The following GALNT2 variants were observed in gnomAD, a reference collection of about 807,000 sequenced individuals.
GALNT2 encodes UDP-GalNAc:polypeptide N-acetylgalactosaminyltransferase 2.
A neutral mutation model predicts 81.4 loss-of-function variants in GALNT2; 31 were observed. The ratio of observed to expected loss-of-function variants is 0.38; its 90% CI spans 0.29 to 0.51. The LOEUF is 0.51. GALNT2 is among the 20% of genes least tolerant of loss of function. The probability of loss-of-function intolerance (pLI) is 0.87; values close to 1 mark genes in which losing one functional copy is unlikely to be tolerated. For synonymous variants in GALNT2, 303 were observed against 287.4 expected, an observed-to-expected ratio of 1.05 and a Z score of -0.55; for missense variants, 629 against 765.7, an observed-to-expected ratio of 0.82 and a Z score of 2.11.
At chr1:230,148,127 C>T (rs544833719) in intron 1 of GALNT2, among the ~76,000 whole-genome samples, 79 of 152,324 alleles carry the variant, frequency 5.2e-4, no homozygotes, top group Middle Eastern at 3.4e-3. Flanking sequence ...TTCCCCATCC[C>T]GCTTTAAAGC....
At chr1:230,154,171 A>G (rs970975967) in intron 1 of GALNT2, among the ~76,000 whole-genome samples, 4 of 152,224 alleles carry the variant, frequency 2.6e-5, no homozygotes, top group Non-Finnish European at 5.9e-5. Flanking sequence ...TACATTTTCA[A>G]TATTTCACCA....
At chr1:230,173,970 A>G (rs1662877297) in intron 1 of GALNT2, among the ~76,000 whole-genome samples, 1 of 152,148 alleles carries the variant, frequency 6.6e-6, no homozygotes, top group East Asian at 1.9e-4. Flanking sequence ...ACTTGGTACC[A>G]TAAGGATACA....
rs1339004604 is a variant in GALNT2, at chr1:230,281,781, C to T, written c.*2323C>T. On this transcript the variant is annotated 3_prime_UTR_variant, in exon 16 of 16. Transcript: ENST00000366672. ...GCTATGTTTACATGACACAGTGTGC[C>T]AAAGTGACTTACTGCGGTTGCGTTA... The T allele has an allele frequency of 6.6e-6, 1 of 152,590 alleles. No individual in the cohort carries two copies. Among genetic ancestry groups the T allele is most frequent in the East Asian group, 1.9e-4 (1 of 5,168 alleles). The allele number at this position is 152,590 out of a possible 1,614,324, so 9.5% of individuals were successfully genotyped here. A position where few individuals can be genotyped will look rare whatever the true frequency, so the allele number is the denominator to read the frequency against.
intron 1 of GALNT2, among the ~76,000 whole-genome samples, chr1:230,153,512 C>T (rs988286353): frequency 1.3e-4 from 20 of 152,122 alleles, no homozygotes; most frequent in African/African-American, 4.3e-4. Context: ...ATAATGCTTT[C>T]TGTGTAGAAG....
At chr1:230,177,378 C>T (rs551769479) in intron 1 of GALNT2, among the ~76,000 whole-genome samples, 1 of 152,340 alleles carries the variant, frequency 6.6e-6, no homozygotes, top group African/African-American at 2.4e-5. Context: ...GGCCAGCTGA[C>T]AATGCTTGGC....
At position 230,271,968 on chromosome 1, in the gene GALNT2, A is replaced by G. The variant is rs896030094; in HGVS notation, c.1441-2477A>G. Among the ~76,000 whole-genome samples the G allele has an allele frequency of 8.5e-5, 13 of 152,312 alleles. No homozygotes were observed. Among genetic ancestry groups the G allele is most frequent in the Admixed American group, 7.8e-4 (12 of 15,300 alleles). On this transcript the variant is annotated intron_variant, in intron 14 of 15. Transcript: ENST00000366672. The surrounding 1 kb of genome is among the most constrained non-coding windows in gnomAD (Gnocchi z 4.2). ...GGTGACCAGCCCCGTCCAGGAGCCC[A>G]TTAGAGTTGCTTCATTAGAACAAGA...
At chr1:230,210,464 A>G (rs551602319) in intron 3 of GALNT2, among the ~76,000 whole-genome samples, 2 of 152,340 alleles carry the variant, frequency 1.3e-5, no homozygotes, top group East Asian at 3.9e-4. Flanking sequence ...CCACCACTAC[A>G]TTTAAAATGT....
intron 3 of GALNT2, among the ~76,000 whole-genome samples, chr1:230,213,139 T>G (rs1664285319): frequency 1.3e-5 from 2 of 152,258 alleles, no homozygotes; most frequent in Non-Finnish European, 2.9e-5. Context: ...ATTTGCTTTC[T>G]TTACTCTTTA....
intron 3 of GALNT2, among the ~76,000 whole-genome samples, chr1:230,203,803 A>T (rs1663979209): frequency 6.6e-6 from 1 of 152,150 alleles, no homozygotes; most frequent in Non-Finnish European, 1.5e-5. Flanking sequence ...ACCCTGTACT[A>T]AAGGAAGGGC....
intron 3 of GALNT2, among the ~76,000 whole-genome samples, chr1:230,228,472 G>A (rs1664779425): frequency 6.6e-6 from 1 of 151,972 alleles, no homozygotes; most frequent in East Asian, 1.9e-4. Flanking sequence ...ACATAAATAA[G>A]TGTTTGGCGT....
chr1:230,233,825 T>A (rs572886799), intron 3 of GALNT2, among the ~76,000 whole-genome samples: 3 of 152,202 alleles, frequency 2.0e-5, no homozygotes, highest in South Asian at 2.1e-4. Flanking sequence ...GGCCAGATGG[T>A]TGAAGCTTAA....
intron 1 of GALNT2, among the ~76,000 whole-genome samples, chr1:230,108,886 T>C (rs6701288): frequency 6.6e-6 from 1 of 152,210 alleles, no homozygotes. Context: ...AATTCCAGAT[T>C]TGAAGTACAG....
intron 2 of GALNT2, among the ~76,000 whole-genome samples, chr1:230,192,160 G>C (rs562366499): frequency 1.3e-5 from 2 of 152,224 alleles, no homozygotes. Flanking sequence ...TTGGTGTTTC[G>C]CTTCAATTTT....
At chr1:230,209,974 C>T (rs975175212) in intron 3 of GALNT2, among the ~76,000 whole-genome samples, 2 of 152,194 alleles carry the variant, frequency 1.3e-5, no homozygotes, top group Non-Finnish European at 2.9e-5. Flanking sequence ...GTAACACTTG[C>T]CTTCATTTTC....
intron 1 of GALNT2, among the ~76,000 whole-genome samples, chr1:230,088,642 A>G (rs1321700517): frequency 6.7e-6 from 1 of 150,124 alleles, no homozygotes; most frequent in Non-Finnish European, 1.5e-5. Context: ...GGTTCACCCC[A>G]TTCTCCTGCC....
chr1:230,186,278 C>G (rs892382625), intron 2 of GALNT2, among the ~76,000 whole-genome samples: 3 of 152,138 alleles, frequency 2.0e-5, no homozygotes, highest in Non-Finnish European at 4.4e-5. Flanking sequence ...CCTCCCCATG[C>G]GTTGTCCCAC....
chr1:230,125,662 G>A (rs1437905746), intron 1 of GALNT2, among the ~76,000 whole-genome samples: 1 of 151,188 alleles, frequency 6.6e-6, no homozygotes, highest in Non-Finnish European at 1.5e-5. Context: ...TGCTTAGAGG[G>A]GTTTTGGCAG....
In GALNT2 at chr1:230,223,932, C is replaced by G. The variant is rs111331074; in HGVS notation, c.375-12082C>G. Reference sequence around the variant, plus strand: ...GGTCCCACAGACTCCATTATCTGGCCCAGCTTTTGTGGGGAGAACTGCAAG... The same window carrying G: ...GGTCCCACAGACTCCATTATCTGGCGCAGCTTTTGTGGGGAGAACTGCAAG... On this transcript the variant is annotated intron_variant, in intron 3 of 15. Transcript: ENST00000366672. 4.4e-3 allele frequency among the ~76,000 whole-genome samples: 670 copies of G among 152,286 alleles called. 3 individuals are homozygous for G. The highest frequency in any genetic ancestry group is 7.0e-3 in the Non-Finnish European group (473 of 68,032).
intron 1 of GALNT2, among the ~76,000 whole-genome samples, chr1:230,094,349 G>GC (rs77961777): frequency 1 from 151,999 of 152,006 alleles, 75,996 homozygotes; most frequent in Middle Eastern, 1. Context: ...TTTCGGCCGG[G>GC]GTGGCAGCTC....
Sources: gnomAD v4.1 joint callset for allele counts (sites outside exome capture counted in the v4.1 genomes callset) on GRCh38, gnomAD v4.1.1 for gene constraint, Gnocchi (gnomAD v3.1) non-coding constraint, MANE v1.5 for transcripts, NCBI Gene and HGNC (gene_info 2026-07-23, HGNC 2026-07-21) for gene names.